EPHA5: variants seen among roughly 807,000 people sequenced by gnomAD.
EPHA5 encodes EPH receptor A5.
In EPHA5, 60 loss-of-function variants were observed where a neutral mutation model predicts 105.0. The observed-to-expected ratio is 0.57, with a 90% CI of 0.46 to 0.71. The LOEUF (loss-of-function observed/expected upper bound fraction) is 0.71, where lower values mean the gene tolerates loss of function less well. EPHA5 is among the 30% of genes least tolerant of loss of function. The pLI is 0.00. For missense variants in EPHA5, 1,218 were observed against 1,274.7 expected, an observed-to-expected ratio of 0.96 and a Z score of 0.68; for synonymous variants, 513 against 449.1, an observed-to-expected ratio of 1.14 and a Z score of -1.80.
chr4:65,441,722 G>T (rs770473688), intron 5 of EPHA5, among the ~76,000 whole-genome samples: 1 of 152,014 alleles, frequency 6.6e-6, no homozygotes, highest in Non-Finnish European at 1.5e-5. Flanking sequence ...CACTGACTCT[G>T]TAAAACATAT....
At chr4:65,527,387 C>G (rs1425012323) in intron 3 of EPHA5, among the ~76,000 whole-genome samples, 1 of 151,832 alleles carries the variant, frequency 6.6e-6, no homozygotes, top group African/African-American at 2.4e-5. Context: ...AGTTTGAAAC[C>G]AACAAAACAA....
intron 5 of EPHA5, among the ~76,000 whole-genome samples, chr4:65,480,661 A>G (rs1730265463): frequency 6.6e-6 from 1 of 152,120 alleles, no homozygotes; most frequent in South Asian, 2.1e-4. Flanking sequence ...AGACCTTGTC[A>G]TTCATTGTTC....
intron 3 of EPHA5, among the ~76,000 whole-genome samples, chr4:65,531,585 A>G (rs534730401): frequency 6.6e-6 from 1 of 151,210 alleles, no homozygotes; most frequent in South Asian, 2.1e-4. Flanking sequence ...TCTTTGCAGA[A>G]TGACAATGAT....
chr4:65,571,226 A>G (rs764239084), intron 3 of EPHA5, among the ~76,000 whole-genome samples: 52 of 152,146 alleles, frequency 3.4e-4, no homozygotes, highest in Non-Finnish European at 3.2e-4. Flanking sequence ...AGGGGAGACT[A>G]TATCTTAAAT....
chr4:65,629,943 A>G (rs1282514348), intron 2 of EPHA5, among the ~76,000 whole-genome samples: 4 of 152,276 alleles, frequency 2.6e-5, no homozygotes, highest in East Asian at 3.9e-4. Context: ...CAGAAAGGGC[A>G]TGTGCTAAGT....
intron 14 of EPHA5, among the ~76,000 whole-genome samples, chr4:65,337,382 C>T (rs1215839780): frequency 2.0e-5 from 3 of 152,110 alleles, no homozygotes; most frequent in Non-Finnish European, 2.9e-5. Flanking sequence ...CTTCCCCTTC[C>T]TCTTCCTGGC....
In EPHA5 at chr4:65,409,346, A is replaced by AAAATAAATAAATAAATAAATAAAT. The variant is rs373265971; in HGVS notation, c.1688-4891_1688-4868dup. On this transcript the variant is annotated intron_variant, in intron 7 of 16. Coordinates refer to ENST00000613740, the MANE Select transcript of EPHA5 (RefSeq NM_001281766.3). ...CCTAAAACTTAAGGTATAATAATAAAAAATAAATAAATAAATAAATAAATA... is the reference window on the plus strand; with the variant it reads ...CCTAAAACTTAAGGTATAATAATAAAAAATAAATAAATAAATAAATAAATAAATAAATAAATAAATAAATAAATA... Among the ~76,000 whole-genome samples, 274 of 134,196 alleles carry AAAATAAATAAATAAATAAATAAAT rather than the reference A, an allele frequency of 2.0e-3. 1 individual carries two copies. The highest frequency in any genetic ancestry group is 5.4e-3 in the East Asian group (24 of 4,484). 88.0% of individuals were successfully genotyped at this position (134,196 alleles called of 152,430 possible).
chr4:65,661,215 T>C (rs1321782796), intron 1 of EPHA5, among the ~76,000 whole-genome samples: 2 of 152,150 alleles, frequency 1.3e-5, no homozygotes, highest in African/African-American at 4.8e-5. Flanking sequence ...TAAAACCATG[T>C]TTGTTTTTTA....
At chr4:65,517,691 C>T (rs1475483192) in intron 3 of EPHA5, among the ~76,000 whole-genome samples, 1 of 151,836 alleles carries the variant, frequency 6.6e-6, no homozygotes, top group African/African-American at 2.4e-5. Context: ...TTTTAGCTAG[C>T]ATTTAGAAAA....
intron 3 of EPHA5, among the ~76,000 whole-genome samples, chr4:65,504,893 C>CT: frequency 6.6e-6 from 1 of 152,060 alleles, no homozygotes; most frequent in East Asian, 1.9e-4. Flanking sequence ...ATTGATTCCT[C>CT]TATAGCACTA....
intron 5 of EPHA5, among the ~76,000 whole-genome samples, chr4:65,488,313 G>C (rs1731078186): frequency 6.6e-6 from 1 of 152,144 alleles, no homozygotes; most frequent in Admixed American, 6.5e-5. Context: ...AGAAGTTAAG[G>C]TTATGCAAGC....
intron 3 of EPHA5, among the ~76,000 whole-genome samples, chr4:65,513,622 G>GT (rs1201860957): frequency 1.3e-5 from 2 of 152,094 alleles, no homozygotes; most frequent in African/African-American, 4.8e-5. Context: ...TCTTGACCTT[G>GT]TGATCCGCCT....
At chr4:65,544,489 C>T (rs568430891) in intron 3 of EPHA5, among the ~76,000 whole-genome samples, 1 of 152,000 alleles carries the variant, frequency 6.6e-6, no homozygotes, top group Admixed American at 6.6e-5. Context: ...CTGAACAACA[C>T]TTATAATTAG....
At chr4:65,614,666 T>C (rs1332036306) in intron 2 of EPHA5, among the ~76,000 whole-genome samples, 1 of 151,854 alleles carries the variant, frequency 6.6e-6, no homozygotes. Flanking sequence ...TTTAACTGAC[T>C]GTTTATTAGG....
intron 7 of EPHA5, among the ~76,000 whole-genome samples, chr4:65,412,585 A>C (rs1191716257): frequency 6.6e-6 from 1 of 152,180 alleles, no homozygotes; most frequent in Non-Finnish European, 1.5e-5. Flanking sequence ...TATGATATTG[A>C]AGTATTTTCA....
chr4:65,549,286 T>C (rs541232100), intron 3 of EPHA5, among the ~76,000 whole-genome samples: 1 of 152,264 alleles, frequency 6.6e-6, no homozygotes, highest in Non-Finnish European at 1.5e-5. Context: ...TCCTTAAGAT[T>C]CAAACAAATC....
At chr4:65,522,408 T>A (rs1734840016) in intron 3 of EPHA5, among the ~76,000 whole-genome samples, 1 of 151,510 alleles carries the variant, frequency 6.6e-6, no homozygotes, top group African/African-American at 2.4e-5. Context: ...TCTTTCATAC[T>A]GGCGAGGAAA....
chr4:65,537,515 G>T (rs1736400641), intron 3 of EPHA5, among the ~76,000 whole-genome samples: 1 of 151,574 alleles, frequency 6.6e-6, no homozygotes, highest in Admixed American at 6.6e-5. Context: ...TACAAAACAG[G>T]GTTAAGTCAA....
At chr4:65,428,982 G>A (rs1724720750) in intron 5 of EPHA5, among the ~76,000 whole-genome samples, 1 of 151,926 alleles carries the variant, frequency 6.6e-6, no homozygotes, top group African/African-American at 2.4e-5. Context: ...GCCTCCTTCT[G>A]AATAGCAAAA....
Sources: allele counts gnomAD v4.1 joint callset (sites outside exome capture counted in the v4.1 genomes callset), GRCh38; gene constraint gnomAD v4.1.1; transcripts MANE v1.5; gene names NCBI Gene and HGNC (gene_info 2026-07-23, HGNC 2026-07-21).